CDK6: variants seen among roughly 807,000 people sequenced by gnomAD.
The protein encoded by CDK6 is cyclin dependent kinase 6.
CDK6 carries 6 observed loss-of-function variants against 37.1 expected under a neutral mutation model. The observed-to-expected ratio is 0.16, with a 90% confidence interval of 0.09 to 0.32. The LOEUF (loss-of-function observed/expected upper bound fraction) is 0.32. Among genes scored for constraint, CDK6 ranks in the 10% least tolerant of loss-of-function variants. CDK6 has a pLI of 1.00. For missense variants in CDK6, 224 were observed against 418.9 expected (o/e 0.53, Z 4.06); for synonymous variants, 160 against 161.3 (o/e 0.99, Z 0.06).
At chr7:92,700,831 T>G (rs1797825353) in intron 4 of CDK6, among the ~76,000 whole-genome samples, 1 of 152,302 alleles carries the variant, frequency 6.6e-6, no homozygotes, top group Non-Finnish European at 1.5e-5. Flanking sequence ...GGTGGATATT[T>G]ACAAGAAATA....
chr7:92,710,703 A>C, intron 4 of CDK6: 1 of 985,308 alleles, frequency 1.0e-6, no homozygotes, highest in Non-Finnish European at 1.2e-6. Flanking sequence ...AGAATTGCCT[A>C]GGAAAGGAGA....
chr7:92,700,525 G>A (rs1326752886), intron 4 of CDK6, among the ~76,000 whole-genome samples: 2 of 152,232 alleles, frequency 1.3e-5, no homozygotes, highest in Non-Finnish European at 2.9e-5. Flanking sequence ...GGTAGATGGT[G>A]AGGCCATCAG....
intron 4 of CDK6, among the ~76,000 whole-genome samples, chr7:92,693,154 T>TTG (rs1562937842): frequency 2.6e-5 from 4 of 152,244 alleles, no homozygotes; most frequent in African/African-American, 9.6e-5. Context: ...ACTCTCTTTT[T>TTG]TGCAGGTTAC....
In CDK6 at chr7:92,722,466, G is replaced by A. The variant is rs144627701; in HGVS notation, c.537+3160C>T. Among the ~76,000 whole-genome samples the A allele has an allele frequency of 4.3e-3, 658 of 152,282 alleles. 2 individuals are homozygous for A. The highest frequency in any genetic ancestry group is 7.1e-3 in the Non-Finnish European group (485 of 68,022). On this transcript the variant is annotated intron_variant, in intron 4 of 7. Coordinates refer to ENST00000424848, the MANE Select transcript of CDK6 (RefSeq NM_001145306.2). ...ACACAGACTGTGAACTTGGGTTTGC[G>A]TCAACTTTTCACTCCTAACTTGAGA...
At position 92,609,426 on chromosome 7, in the gene CDK6, TCA is replaced by T. The variant is rs1271525872; in HGVS notation, c.*5712_*5713del. The T allele has an allele frequency of 9.1e-5, 21 of 230,200 alleles. No individual in the cohort carries two copies. The highest frequency in any genetic ancestry group is 1.3e-3 in the Middle Eastern group (1 of 776). The allele number at this position is 230,200 out of a possible 1,614,324, so 14.3% of individuals were successfully genotyped here. On this transcript the variant is annotated 3_prime_UTR_variant, in exon 8 of 8. Coordinates refer to ENST00000424848, the MANE Select transcript of CDK6 (RefSeq NM_001145306.2). ...TCCTAAGTTGTTATGCTCATATACT[TCA>T]GACTTTTTTTTTTTAATTAGAGCTT...
chr7:92,778,859 C>T (rs1350526223), intron 2 of CDK6, among the ~76,000 whole-genome samples: 1 of 148,190 alleles, frequency 6.7e-6, no homozygotes, highest in African/African-American at 2.5e-5. Flanking sequence ...AATTACATTG[C>T]TTACCACTAC....
chr7:92,798,205 AC>A (rs1232240218), intron 2 of CDK6, among the ~76,000 whole-genome samples: 1 of 152,226 alleles, frequency 6.6e-6, no homozygotes, highest in Non-Finnish European at 1.5e-5. Flanking sequence ...CAGAAAAAAA[AC>A]AGTGCCAAAA....
intron 3 of CDK6, among the ~76,000 whole-genome samples, chr7:92,768,146 G>T (rs1409952565): frequency 1.3e-5 from 2 of 152,128 alleles, no homozygotes; most frequent in Non-Finnish European, 2.9e-5. Context: ...GAGAGACAAG[G>T]GATGCTGAAG....
chr7:92,724,573 T>C (rs1798465024), intron 4 of CDK6, among the ~76,000 whole-genome samples: 1 of 152,178 alleles, frequency 6.6e-6, no homozygotes, highest in Non-Finnish European at 1.5e-5. Context: ...CTCTTGAATT[T>C]CTACTTATCA....
intron 5 of CDK6, among the ~76,000 whole-genome samples, chr7:92,629,622 T>A (rs561507050): frequency 2.6e-5 from 4 of 152,140 alleles, no homozygotes; most frequent in African/African-American, 7.2e-5. Flanking sequence ...CTAATCACTA[T>A]GACAAAAATT....
intron 3 of CDK6, among the ~76,000 whole-genome samples, chr7:92,737,022 G>A (rs1484874211): frequency 2.0e-5 from 3 of 152,092 alleles, no homozygotes; most frequent in Admixed American, 6.5e-5. Context: ...TCTTCCCTCC[G>A]CTAGCATCTA....
chr7:92,626,638 G>C (rs1795934497), intron 5 of CDK6, among the ~76,000 whole-genome samples: 1 of 152,060 alleles, frequency 6.6e-6, no homozygotes, highest in Non-Finnish European at 1.5e-5. Context: ...AGGTCAACTG[G>C]GAAGTCAGTG....
rs143321536 is a variant in CDK6, at chr7:92,725,552, C to T, written c.537+74G>A. 186 of 1,450,072 alleles carry T rather than the reference C, an allele frequency of 1.3e-4. 1 individual carries two copies. In the African/African-American group the frequency reaches 2.3e-3, roughly 18 times the overall value. The allele number at this position is 1,450,072 out of a possible 1,614,324, so 89.8% of individuals were successfully genotyped here. A position where few individuals can be genotyped will look rare whatever the true frequency, so the allele number is the denominator to read the frequency against. On this transcript the variant is annotated intron_variant, in intron 4 of 7. Transcript: ENST00000424848. ...TCATGGGCAGTACTAACATTAGAGA[C>T]ATGGAAGAGGGACAGACTGTCATTC...
At chr7:92,779,246 A>G (rs1799926800) in intron 2 of CDK6, among the ~76,000 whole-genome samples, 1 of 152,016 alleles carries the variant, frequency 6.6e-6, no homozygotes, top group African/African-American at 2.4e-5. Flanking sequence ...CAGCAACTGG[A>G]CTCCAGGCCT....
At chr7:92,825,945 G>A (rs1487525592) in intron 2 of CDK6, among the ~76,000 whole-genome samples, 2 of 152,190 alleles carry the variant, frequency 1.3e-5, no homozygotes, top group South Asian at 2.1e-4. Flanking sequence ...ATGTAGATTG[G>A]AGTAAGACAA....
chr7:92,676,906 C>T lies in CDK6; in HGVS notation c.538-5371G>A, dbSNP rs550734952. ...CCCGGGAGGCGGAGCTTGCAGTGAG[C>T]TGAGATCGCGCCACTGCACTCCAGC... On this transcript the variant is annotated intron_variant, in intron 4 of 7. Transcript: ENST00000424848. Among the ~76,000 whole-genome samples, 139 of 150,132 alleles carry T rather than the reference C, an allele frequency of 9.3e-4. 1 individual carries two copies. Among genetic ancestry groups the T allele is most frequent in the African/African-American group, 3.2e-3 (130 of 40,752 alleles).
intron 5 of CDK6, among the ~76,000 whole-genome samples, chr7:92,656,856 C>T (rs1438268828): frequency 1.3e-5 from 2 of 152,094 alleles, no homozygotes. Flanking sequence ...CAGAGGTGCC[C>T]ACCCTACACC....
chr7:92,685,094 C>T (rs1403229471), intron 4 of CDK6, among the ~76,000 whole-genome samples: 1 of 152,144 alleles, frequency 6.6e-6, no homozygotes, highest in African/African-American at 2.4e-5. Context: ...CATTTCATAT[C>T]TCTTCTATGA....
chr7:92,632,434 T>G (rs1796074517), intron 5 of CDK6, among the ~76,000 whole-genome samples: 1 of 152,178 alleles, frequency 6.6e-6, no homozygotes, highest in Non-Finnish European at 1.5e-5. Flanking sequence ...GTCCAAACAC[T>G]GAAAGACTGA....
Sources: allele counts gnomAD v4.1 joint callset (sites outside exome capture counted in the v4.1 genomes callset), GRCh38; gene constraint gnomAD v4.1.1; transcripts MANE v1.5; gene names NCBI Gene and HGNC (gene_info 2026-07-23, HGNC 2026-07-21).